UBE2D3: variants seen among roughly 807,000 people sequenced by gnomAD.
UBE2D3 encodes ubiquitin conjugating enzyme E2 D3.
Under a neutral mutation model 22.8 loss-of-function variants are expected in UBE2D3, and 2 were observed. The observed-to-expected ratio is 0.09, with a 90% CI of 0.04 to 0.28. The LOEUF (loss-of-function observed/expected upper bound fraction) is 0.28. Ranked by LOEUF, UBE2D3 falls within the 10% of genes least tolerant of loss-of-function variation. UBE2D3 has a pLI of 1.00. For synonymous variants in UBE2D3, 56 were observed against 60.4 expected, an observed-to-expected ratio of 0.93 and a Z score of 0.34; for missense variants, 27 against 182.5, an observed-to-expected ratio of 0.15 and a Z score of 4.91.
intron 4 of UBE2D3, among the ~76,000 whole-genome samples, chr4:102,804,203 C>T (rs1726652049): frequency 6.6e-6 from 1 of 151,994 alleles, no homozygotes; most frequent in African/African-American, 2.4e-5. Context: ...TGTTTGTTGC[C>T]CAAGCTCGAG....
intron 1 of UBE2D3, among the ~76,000 whole-genome samples, chr4:102,851,003 G>A (rs1732314081): frequency 6.6e-6 from 1 of 152,104 alleles, no homozygotes; most frequent in South Asian, 2.1e-4. Context: ...CAGGTGACAG[G>A]TGCACCAGAA....
chr4:102,853,439 A>C (rs1334586402), intron 1 of UBE2D3, among the ~76,000 whole-genome samples: 1 of 152,130 alleles, frequency 6.6e-6, no homozygotes, highest in East Asian at 1.9e-4. Flanking sequence ...GTCCATGTCC[A>C]TCATAAGGTC....
chr4:102,828,724 A>C (rs369837020), upstream of UBE2D3, among the ~76,000 whole-genome samples: 5 of 152,232 alleles, frequency 3.3e-5, no homozygotes, highest in African/African-American at 1.2e-4. Flanking sequence ...AAACAATACA[A>C]TACTTCCTGA....
intron 1 of UBE2D3, among the ~76,000 whole-genome samples, chr4:102,838,885 G>A (rs889290413): frequency 4.0e-5 from 6 of 151,792 alleles, no homozygotes; most frequent in Non-Finnish European, 8.8e-5. Context: ...TTCATGTGAG[G>A]GAGCAAAAGA....
chr4:102,803,020 A>ATC (rs1726450847), intron 4 of UBE2D3, among the ~76,000 whole-genome samples: 1 of 152,242 alleles, frequency 6.6e-6, no homozygotes, highest in African/African-American at 2.4e-5. Flanking sequence ...ATGTGTACAA[A>ATC]TGGCTTCACA....
intron 1 of UBE2D3, among the ~76,000 whole-genome samples, chr4:102,851,865 C>G (rs1578294269): frequency 6.6e-6 from 1 of 151,994 alleles, no homozygotes; most frequent in Non-Finnish European, 1.5e-5. Context: ...GACGGGGTTT[C>G]ACAGTATTGG....
In UBE2D3 at chr4:102,795,864, G is replaced by GA. The variant is rs1282326756; in HGVS notation, c.*1550dup. The stretch of plus-strand genomic sequence containing the variant: ...CAGTGAACAAAATCAAAATAAACAG[G>GA]AAAAATGTAAAACTATGGGATCAGA... On this transcript the variant is annotated 3_prime_UTR_variant, in exon 8 of 8. Coordinates refer to ENST00000453744, the MANE Select transcript of UBE2D3 (RefSeq NM_181891.3). 1 of 152,282 alleles carries GA rather than the reference G, an allele frequency of 6.6e-6. No homozygotes were observed. Among genetic ancestry groups the GA allele is most frequent in the Admixed American group, 6.6e-5 (1 of 15,216 alleles). 9.4% of individuals were successfully genotyped at this position (152,282 alleles called of 1,614,324 possible).
Position 102,827,471 on chromosome 4 carries a change from C to A in UBE2D3, c.-173G>T. ...TCAAGCTGCGGCCTCGGCCTCCTCC[C>A]CGCGCGGCAGCTGGTGCCTCCCCGG... On this transcript the variant is annotated 5_prime_UTR_variant, in exon 1 of 8. Coordinates refer to ENST00000453744, the MANE Select transcript of UBE2D3 (RefSeq NM_181891.3). 1.0e-6 allele frequency: 1 copy of A among 986,232 alleles called. No individual in the cohort carries two copies. Among genetic ancestry groups the A allele is most frequent in the Non-Finnish European group, 1.2e-6 (1 of 830,196 alleles). The allele number at this position is 986,232 out of a possible 1,614,324, so 61.1% of individuals were successfully genotyped here. A position where few individuals can be genotyped will look rare whatever the true frequency, so the allele number is the denominator to read the frequency against.
intron 4 of UBE2D3, 56 bp downstream of exon 4, chr4:102,809,616 C>T: frequency 3.3e-6 from 5 of 1,505,428 alleles, no homozygotes; most frequent in Non-Finnish European, 4.5e-6. Flanking sequence ...AAAATTACAA[C>T]CAAATCAATG....
intron 4 of UBE2D3, among the ~76,000 whole-genome samples, chr4:102,805,745 C>T (rs954399352): frequency 1.3e-5 from 2 of 152,220 alleles, no homozygotes; most frequent in African/African-American, 4.8e-5. Context: ...GTCAGTTATT[C>T]ATTCCAGGGC....
intron 1 of UBE2D3, chr4:102,868,688 AC>A (rs756203902): frequency 2.5e-4 from 397 of 1,613,852 alleles, no homozygotes; most frequent in Middle Eastern, 1.2e-3. Context: ...GCGAGAGGGG[AC>A]GAAGTAGAGA....
At chr4:102,798,447 G>A (rs754458408) in intron 7 of UBE2D3, among the ~76,000 whole-genome samples, 1 of 151,384 alleles carries the variant, frequency 6.6e-6, no homozygotes, top group Non-Finnish European at 1.5e-5. Flanking sequence ...CAAAAAGCCA[G>A]CACTTTAAAA....
chr4:102,865,527 G>T (rs1359423722), intron 1 of UBE2D3, among the ~76,000 whole-genome samples: 1 of 149,226 alleles, frequency 6.7e-6, no homozygotes, highest in Non-Finnish European at 1.5e-5. Flanking sequence ...ACTAGGAGAA[G>T]ATAAGCAACA....
intron 1 of UBE2D3, among the ~76,000 whole-genome samples, chr4:102,865,006 CA>C (rs1733079587): frequency 6.6e-6 from 1 of 152,044 alleles, no homozygotes; most frequent in African/African-American, 2.4e-5. Flanking sequence ...TTCTCATGCA[CA>C]AAAAGTAAGT....
chr4:102,805,473 G>T (rs921540111), intron 4 of UBE2D3, among the ~76,000 whole-genome samples: 2 of 150,966 alleles, frequency 1.3e-5, no homozygotes, highest in African/African-American at 4.9e-5. Context: ...CAGCTCTTCT[G>T]TGGCAATAAA....
intron 1 of UBE2D3, among the ~76,000 whole-genome samples, chr4:102,865,415 C>A (rs1289585963): frequency 6.7e-6 from 1 of 150,292 alleles, no homozygotes; most frequent in South Asian, 2.1e-4. Context: ...TCACTTGAAC[C>A]TGGGAGGCAG....
At chr4:102,848,528 C>T (rs778550190) in intron 1 of UBE2D3, among the ~76,000 whole-genome samples, 123 of 151,876 alleles carry the variant, frequency 8.1e-4, no homozygotes, top group Admixed American at 3.3e-4. Flanking sequence ...GCCTGTTATC[C>T]CAGTTACTGG....
intron 1 of UBE2D3, among the ~76,000 whole-genome samples, chr4:102,854,616 C>T (rs1732543812): frequency 6.6e-6 from 1 of 152,224 alleles, no homozygotes; most frequent in African/African-American, 2.4e-5. Flanking sequence ...AATATAGCAA[C>T]TCCAGCTTTC....
intron 7 of UBE2D3, 104 bp from the exon 8 acceptor site, chr4:102,797,564 G>A (rs998048215): frequency 2.3e-6 from 2 of 867,690 alleles, no homozygotes; most frequent in African/African-American, 3.5e-5. Context: ...TCATCATGAA[G>A]TCATCTCTAA....
Sources: gnomAD v4.1 joint callset for allele counts (sites outside exome capture counted in the v4.1 genomes callset) on GRCh38, gnomAD v4.1.1 for gene constraint, MANE v1.5 for transcripts, NCBI Gene and HGNC (gene_info 2026-07-23, HGNC 2026-07-21) for gene names.